ROR2: variants seen among roughly 807,000 people sequenced by gnomAD.
The protein encoded by ROR2 is tyrosine-protein kinase transmembrane receptor ROR2.
In ROR2, 33 loss-of-function variants were observed where a neutral mutation model predicts 74.9. That is an observed-to-expected ratio of 0.44 (90% CI 0.33 to 0.59). The LOEUF is 0.59. ROR2 is among the 20% of genes least tolerant of loss of function. The probability of loss-of-function intolerance (pLI) is 0.02; values close to 1 mark genes in which losing one functional copy is unlikely to be tolerated. For synonymous variants in ROR2, 586 were observed against 558.7 expected, an observed-to-expected ratio of 1.05 and a Z score of -0.69; for missense variants, 1,216 against 1,313.8, an observed-to-expected ratio of 0.93 and a Z score of 1.15.
intron 1 of ROR2, among the ~76,000 whole-genome samples, chr9:91,924,607 C>T (rs1222574824): frequency 6.6e-6 from 1 of 152,122 alleles, no homozygotes; most frequent in Non-Finnish European, 1.5e-5. Context: ...TCCTGGCTAA[C>T]ACGGTGAAAC....
intron 2 of ROR2, among the ~76,000 whole-genome samples, chr9:91,762,263 A>C (rs1314207467): frequency 6.6e-6 from 1 of 152,228 alleles, no homozygotes; most frequent in Non-Finnish European, 1.5e-5. Flanking sequence ...TCTTTTCTCA[A>C]AATAATTAAC....
chr9:91,912,262 G>C (rs551876510), intron 1 of ROR2, among the ~76,000 whole-genome samples: 6 of 152,160 alleles, frequency 3.9e-5, no homozygotes, highest in Non-Finnish European at 7.3e-5. Context: ...AAGGGAAGCC[G>C]AGTTAAAGGG....
chr9:91,773,224 T>C (rs940842985), intron 2 of ROR2, among the ~76,000 whole-genome samples: 3 of 152,182 alleles, frequency 2.0e-5, no homozygotes, highest in East Asian at 3.9e-4. Flanking sequence ...AGGACTGCAA[T>C]ACATTTTCCC....
intron 1 of ROR2, among the ~76,000 whole-genome samples, chr9:91,840,686 A>G (rs1439391321): frequency 6.6e-6 from 1 of 152,176 alleles, no homozygotes; most frequent in African/African-American, 2.4e-5. Flanking sequence ...ACACACCAAC[A>G]ACCAAGACAG....
intron 1 of ROR2, among the ~76,000 whole-genome samples, chr9:91,847,064 G>A (rs1278255899): frequency 6.6e-6 from 1 of 152,182 alleles, no homozygotes; most frequent in East Asian, 1.9e-4. Flanking sequence ...CAAATGGCAT[G>A]GATTGGGCCG....
intron 1 of ROR2, among the ~76,000 whole-genome samples, chr9:91,815,252 G>T (rs918743027): frequency 6.6e-6 from 1 of 152,130 alleles, no homozygotes; most frequent in Non-Finnish European, 1.5e-5. Context: ...ATTTTAAAAT[G>T]ATCTATGGTT....
intron 1 of ROR2, among the ~76,000 whole-genome samples, chr9:91,927,247 A>G (rs186415884): frequency 3.3e-5 from 5 of 152,272 alleles, no homozygotes; most frequent in Non-Finnish European, 7.4e-5. Flanking sequence ...AGCTCCCCCA[A>G]AAACCAGGAT....
chr9:91,759,626 C>T (rs1426952897), intron 2 of ROR2, among the ~76,000 whole-genome samples: 1 of 152,176 alleles, frequency 6.6e-6, no homozygotes, highest in Admixed American at 6.5e-5. Context: ...TCTGCTGTGA[C>T]GATGTGAAGT....
At chr9:91,911,348 C>T (rs1005246192) in intron 1 of ROR2, among the ~76,000 whole-genome samples, 3 of 152,226 alleles carry the variant, frequency 2.0e-5, no homozygotes, top group Non-Finnish European at 4.4e-5. Flanking sequence ...CACACCTGCA[C>T]TAACCCTGTA....
At chr9:91,778,408 T>C (rs1312071343) in intron 1 of ROR2, among the ~76,000 whole-genome samples, 2 of 152,224 alleles carry the variant, frequency 1.3e-5, no homozygotes, top group Non-Finnish European at 1.5e-5. Flanking sequence ...CCTCGGTGCC[T>C]GTCCTGAGTC....
At chr9:91,922,697 C>A (rs553436193) in intron 1 of ROR2, among the ~76,000 whole-genome samples, 1 of 152,198 alleles carries the variant, frequency 6.6e-6, no homozygotes, top group Non-Finnish European at 1.5e-5. Flanking sequence ...TCGTGATCCA[C>A]CTGCCTTGGC....
chr9:91,948,815 C>A (rs1241404852), intron 1 of ROR2: 1 of 985,354 alleles, frequency 1.0e-6, no homozygotes, highest in Non-Finnish European at 1.2e-6. Flanking sequence ...AGGTCTCTGG[C>A]GCTCCTGGGC....
intron 1 of ROR2, among the ~76,000 whole-genome samples, chr9:91,929,814 C>T (rs1414431369): frequency 6.6e-6 from 1 of 152,156 alleles, no homozygotes; most frequent in Non-Finnish European, 1.5e-5. Context: ...GCCACTACCT[C>T]AAGTGGCTTC....
intron 4 of ROR2, 68 bp downstream of exon 4, chr9:91,756,003 C>T (rs1825737089): frequency 3.2e-6 from 5 of 1,549,114 alleles, no homozygotes; most frequent in Admixed American, 1.7e-5. Flanking sequence ...AGGATTTAAA[C>T]CCCGGATTCC....
At chr9:91,921,654 A>G (rs948784582) in intron 1 of ROR2, among the ~76,000 whole-genome samples, 1 of 152,210 alleles carries the variant, frequency 6.6e-6, no homozygotes, top group Non-Finnish European at 1.5e-5. Context: ...ACTTGAGGTC[A>G]GAAGTAGGAG....
At chr9:91,855,095 T>G (rs1035587577) in intron 1 of ROR2, among the ~76,000 whole-genome samples, 1 of 152,184 alleles carries the variant, frequency 6.6e-6, no homozygotes, top group African/African-American at 2.4e-5. Context: ...ACTTAATTAC[T>G]CTTAAAAATA....
intron 1 of ROR2, among the ~76,000 whole-genome samples, chr9:91,901,150 T>G (rs184389707): frequency 3.9e-5 from 6 of 152,222 alleles, no homozygotes; most frequent in Non-Finnish European, 7.3e-5. Flanking sequence ...CCCAACTATA[T>G]TCTTCTGAAA....
chr9:91,748,015 T>C (rs569537132), intron 4 of ROR2, among the ~76,000 whole-genome samples: 1 of 152,150 alleles, frequency 6.6e-6, no homozygotes, highest in Non-Finnish European at 1.5e-5. Context: ...AACATGACTA[T>C]AGTGAATAAC....
At chr9:91,941,963 G>GT (rs1831884324) in intron 1 of ROR2, among the ~76,000 whole-genome samples, 1 of 152,044 alleles carries the variant, frequency 6.6e-6, no homozygotes, top group Non-Finnish European at 1.5e-5. Context: ...GCTAACTTTT[G>GT]TATTTTTAGT....
Sources: allele counts gnomAD v4.1 joint callset (sites outside exome capture counted in the v4.1 genomes callset), GRCh38; gene constraint gnomAD v4.1.1; transcripts MANE v1.5; gene names NCBI Gene and HGNC (gene_info 2026-07-23, HGNC 2026-07-21).